RAPGEF6: variants seen among roughly 807,000 people sequenced by gnomAD.
The protein encoded by RAPGEF6 is Rap guanine nucleotide exchange factor 6.
In RAPGEF6, 56 loss-of-function variants were observed where a neutral mutation model predicts 171.4. The ratio of observed to expected loss-of-function variants is 0.33; its 90% CI spans 0.26 to 0.41. RAPGEF6 has a LOEUF of 0.41. RAPGEF6 is among the 10% of genes least tolerant of loss of function. The probability of loss-of-function intolerance (pLI) is 1.00; values close to 1 mark genes in which losing one functional copy is unlikely to be tolerated. For missense variants in RAPGEF6, 1,674 were observed against 1,921.4 expected, an observed-to-expected ratio of 0.87 and a Z score of 2.41; for synonymous variants, 692 against 650.1, an observed-to-expected ratio of 1.06 and a Z score of -0.98.
chr5:131,429,155 T>A lies in RAPGEF6; in HGVS notation c.4527A>T (p.Pro1509=). ...DRYREPPPTP[P]GYLGISLADL... ...CCGCTAAAGAAATCCCCAAATATCCTGGAGGAGTGGGAGGTGGCTCCCTAT... is the reference window on the plus strand; with the variant it reads ...CCGCTAAAGAAATCCCCAAATATCCAGGAGGAGTGGGAGGTGGCTCCCTAT... The change falls in exon 27 of 28, where the codon CCA becomes CCT. Residue 1509 remains proline, a synonymous_variant. Transcript: ENST00000509018. 6.2e-7 allele frequency: 1 copy of A among 1,613,802 alleles called. No homozygotes were observed. The highest frequency in any genetic ancestry group is 1.7e-5 in the Admixed American group (1 of 60,018).
chr5:131,438,046 T>C (rs767702374), intron 24 of RAPGEF6, among the ~76,000 whole-genome samples: 2 of 152,096 alleles, frequency 1.3e-5, no homozygotes, highest in South Asian at 2.1e-4. Context: ...TGGGGTGCAA[T>C]AGCATGATCT....
intron 6 of RAPGEF6, among the ~76,000 whole-genome samples, chr5:131,547,360 C>T (rs978192918): frequency 6.6e-6 from 1 of 152,026 alleles, no homozygotes; most frequent in Non-Finnish European, 1.5e-5. Context: ...TTCTAGAAAT[C>T]GTGAGTACTT....
intron 15 of RAPGEF6, among the ~76,000 whole-genome samples, chr5:131,487,101 T>G (rs976215995): frequency 1.3e-5 from 2 of 152,132 alleles, no homozygotes; most frequent in Non-Finnish European, 2.9e-5. Flanking sequence ...CCTTCACGGT[T>G]GAGTGTTACA....
intron 21 of RAPGEF6, chr5:131,447,039 G>T (rs1187968369): frequency 2.2e-5 from 5 of 230,794 alleles, no homozygotes; most frequent in Non-Finnish European, 3.4e-5. Context: ...ACGCTTTGAA[G>T]ATATGGCAAG....
At chr5:131,627,900 C>A (rs114508606) in intron 1 of RAPGEF6, among the ~76,000 whole-genome samples, 2,324 of 152,320 alleles carry the variant, frequency 0.015, 77 homozygotes, top group African/African-American at 0.053. Flanking sequence ...GATCAGCAAT[C>A]TTTCATGTTA....
At chr5:131,522,606 G>A (rs1758572050) in intron 6 of RAPGEF6, among the ~76,000 whole-genome samples, 1 of 152,130 alleles carries the variant, frequency 6.6e-6, no homozygotes. Context: ...TGGTATGTTA[G>A]ATAATTCAGA....
intron 26 of RAPGEF6, among the ~76,000 whole-genome samples, chr5:131,429,792 G>A (rs1278470906): frequency 6.6e-6 from 1 of 151,958 alleles, no homozygotes; most frequent in African/African-American, 2.4e-5. Flanking sequence ...GGTGGTTCAC[G>A]CCTGTAATCC....
intron 24 of RAPGEF6, among the ~76,000 whole-genome samples, chr5:131,435,151 A>C (rs1751937126): frequency 6.6e-6 from 1 of 152,192 alleles, no homozygotes; most frequent in South Asian, 2.1e-4. Flanking sequence ...TTGCACAGTA[A>C]TCTTATTAAG....
chr5:131,428,880 T>C (rs1280457167), intron 27 of RAPGEF6, 22 bp downstream of exon 27: 2 of 1,600,498 alleles, frequency 1.2e-6, no homozygotes, highest in Non-Finnish European at 1.7e-6. Context: ...TTAAGAGCCT[T>C]TAAGAGAGCT....
chr5:131,586,049 C>T (rs765393775), intron 4 of RAPGEF6, among the ~76,000 whole-genome samples: 2 of 152,150 alleles, frequency 1.3e-5, no homozygotes, highest in Non-Finnish European at 2.9e-5. Flanking sequence ...CACAGGCACA[C>T]GTCCTCAGCC....
chr5:131,616,105 A>G (rs929211370), intron 1 of RAPGEF6, among the ~76,000 whole-genome samples: 1 of 151,956 alleles, frequency 6.6e-6, no homozygotes, highest in African/African-American at 2.4e-5. Flanking sequence ...CTAGGGGCGA[A>G]AAAAAAAGAA....
chr5:131,493,325 A>C (rs1200315929), intron 13 of RAPGEF6, among the ~76,000 whole-genome samples: 1 of 152,060 alleles, frequency 6.6e-6, no homozygotes, highest in Non-Finnish European at 1.5e-5. Flanking sequence ...CGGCCTCCCA[A>C]AGTGCTGGGA....
intron 4 of RAPGEF6, 151 bp downstream of exon 4, chr5:131,592,232 C>T (rs1763634989): frequency 1.5e-6 from 2 of 1,301,204 alleles, no homozygotes; most frequent in Non-Finnish European, 2.1e-6. Flanking sequence ...TCAGAAATAA[C>T]AAAAGATTAA....
intron 6 of RAPGEF6, among the ~76,000 whole-genome samples, chr5:131,541,440 C>G (rs2149939501): frequency 6.6e-6 from 1 of 152,252 alleles, no homozygotes; most frequent in African/African-American, 2.4e-5. Flanking sequence ...GGCCAGAAAG[C>G]TGAAAGATAA....
At chr5:131,501,511 T>C (rs1403754672) in intron 11 of RAPGEF6, among the ~76,000 whole-genome samples, 9 of 152,026 alleles carry the variant, frequency 5.9e-5, no homozygotes, top group Non-Finnish European at 1.0e-4. Flanking sequence ...TTTTAAGGTG[T>C]GTATAAACTC....
intron 4 of RAPGEF6, among the ~76,000 whole-genome samples, chr5:131,589,450 A>T (rs1381591853): frequency 1.3e-5 from 2 of 152,128 alleles, no homozygotes; most frequent in African/African-American, 4.8e-5. Flanking sequence ...TTTGGGGGAG[A>T]GGGTAAGAAC....
At chr5:131,437,279 A>G (rs1319081919) in intron 24 of RAPGEF6, among the ~76,000 whole-genome samples, 3 of 152,232 alleles carry the variant, frequency 2.0e-5, no homozygotes, top group African/African-American at 7.2e-5. Flanking sequence ...TTTCTCACAA[A>G]GGGAGAAAAT....
chr5:131,498,190 TTA>T (rs1756757597), intron 12 of RAPGEF6, among the ~76,000 whole-genome samples: 1 of 152,228 alleles, frequency 6.6e-6, no homozygotes, highest in Admixed American at 6.5e-5. Context: ...CATGTAACTA[TTA>T]TGTTTCCTGA....
At chr5:131,436,478 AT>A (rs1372060450) in intron 24 of RAPGEF6, 3 of 1,144,418 alleles carry the variant, frequency 2.6e-6, no homozygotes, top group African/African-American at 3.1e-5. Flanking sequence ...TCTTGATAAT[AT>A]CTGAAAAATT....
Sources: gnomAD v4.1 joint callset for allele counts (sites outside exome capture counted in the v4.1 genomes callset) on GRCh38, gnomAD v4.1.1 for gene constraint, MANE v1.5 for transcripts, NCBI Gene and HGNC (gene_info 2026-07-23, HGNC 2026-07-21) for gene names.